The following PXDNL variants were observed in gnomAD, a reference collection of about 807,000 sequenced individuals.
The protein encoded by PXDNL is peroxidasin like, also known as probable oxidoreductase PXDNL.
Under a neutral mutation model 150.8 loss-of-function variants are expected in PXDNL, and 145 were observed. The ratio of observed to expected loss-of-function variants is 0.96; its 90% CI spans 0.84 to 1.10. PXDNL has a LOEUF of 1.10. PXDNL is among the 50% of genes least tolerant of loss of function. PXDNL has a pLI of 0.00. For missense variants in PXDNL, 2,087 were observed against 1,873.9 expected, an observed-to-expected ratio of 1.11 and a Z score of -2.10; for synonymous variants, 757 against 725.7, an observed-to-expected ratio of 1.04 and a Z score of -0.69.
rs1236843720 is a variant in PXDNL at position 51,553,771 on chromosome 8, T to TATATATATATATACACAC, written c.380+3068_380+3069insGTGTGTATATATATATAT. Among the ~76,000 whole-genome samples, 84 of 63,780 alleles carry TATATATATATATACACAC rather than the reference T, an allele frequency of 1.3e-3. 1 individual carries two copies. The highest frequency in any genetic ancestry group is 7.0e-3 in the African/African-American group (75 of 10,702). The allele number at this position is 63,780 out of a possible 152,430, so 41.8% of individuals were successfully genotyped here. ...ATATATATATATATATATATATATA[T>TATATATATATATACACAC]ACACACACTGAAAATATAAATCTCG... On this transcript the variant is annotated intron_variant, in intron 4 of 22. Coordinates refer to ENST00000356297, the MANE Select transcript of PXDNL (RefSeq NM_144651.5).
chr8:51,321,413 G>A (rs1436128714), intron 21 of PXDNL, among the ~76,000 whole-genome samples: 1 of 152,150 alleles, frequency 6.6e-6, no homozygotes, highest in African/African-American at 2.4e-5. Context: ...ACGGTCTTTA[G>A]GAATCCCAAG....
intron 1 of PXDNL, among the ~76,000 whole-genome samples, chr8:51,685,186 A>G (rs537943588): frequency 4.6e-5 from 7 of 152,154 alleles, no homozygotes; most frequent in African/African-American, 1.7e-4. Flanking sequence ...CACTCTGACA[A>G]CTCTACTAGA....
At chr8:51,464,034 A>C (rs1452089006) in intron 8 of PXDNL, among the ~76,000 whole-genome samples, 1 of 147,576 alleles carries the variant, frequency 6.8e-6, no homozygotes, top group East Asian at 1.9e-4. Context: ...AAAAAAAAAA[A>C]CCTAAAATAA....
At chr8:51,688,463 ATGGAGGCAGGTC>A (rs1281421912) in intron 1 of PXDNL, among the ~76,000 whole-genome samples, 1 of 152,192 alleles carries the variant, frequency 6.6e-6, no homozygotes, top group East Asian at 1.9e-4. Context: ...TTAACAATTT[ATGGAGGCAGGTC>A]TGGGTTCAAT....
At chr8:51,548,328 G>A (rs1812406529) in intron 4 of PXDNL, among the ~76,000 whole-genome samples, 1 of 152,018 alleles carries the variant, frequency 6.6e-6, no homozygotes, top group Non-Finnish European at 1.5e-5. Context: ...CCAAATACAA[G>A]AGGCTCAAAG....
At chr8:51,560,363 A>G (rs772095331) in intron 3 of PXDNL, among the ~76,000 whole-genome samples, 38 of 152,046 alleles carry the variant, frequency 2.5e-4, no homozygotes, top group Admixed American at 1.2e-3. Flanking sequence ...AGTTAAAACA[A>G]TCTTGAGAAA....
intron 2 of PXDNL, among the ~76,000 whole-genome samples, chr8:51,607,839 CA>C (rs1270627183): frequency 1.2e-5 from 1 of 81,402 alleles, no homozygotes. Context: ...GACTCCATCT[CA>C]AAAAAAAGGA....
chr8:51,625,443 T>C (rs1166714700), intron 2 of PXDNL, among the ~76,000 whole-genome samples: 1 of 152,192 alleles, frequency 6.6e-6, no homozygotes, highest in African/African-American at 2.4e-5. Context: ...CACTGACTAA[T>C]TCAGTCATTT....
intron 17 of PXDNL, among the ~76,000 whole-genome samples, chr8:51,378,687 A>C (rs912834964): frequency 1.3e-5 from 2 of 149,328 alleles, no homozygotes; most frequent in Non-Finnish European, 2.9e-5. Context: ...CTGCAACTTC[A>C]CTGCTGAGGC....
chr8:51,367,511 C>T (rs1806957842), intron 19 of PXDNL, among the ~76,000 whole-genome samples: 1 of 152,090 alleles, frequency 6.6e-6, no homozygotes, highest in Non-Finnish European at 1.5e-5. Context: ...ATAAATCTGA[C>T]AACACTTTTT....
intron 1 of PXDNL, among the ~76,000 whole-genome samples, chr8:51,771,952 G>T (rs1367457719): frequency 6.9e-6 from 1 of 144,628 alleles, no homozygotes; most frequent in African/African-American, 2.8e-5. Flanking sequence ...CGATTCCCCA[G>T]AAAGCAAAAG....
rs142937825 is a variant in PXDNL at position 51,573,228 on chromosome 8, A to G, written c.309-16317T>C. Among the ~76,000 whole-genome samples, 275 of 152,106 alleles carry G rather than the reference A, an allele frequency of 1.8e-3. 2 individuals carry two copies. Among genetic ancestry groups the G allele is most frequent in the African/African-American group, 6.4e-3 (266 of 41,544 alleles). On this transcript the variant is annotated intron_variant, in intron 3 of 22. Transcript: ENST00000356297. ...TAGATCCTCACACTTGTGAGGCTAT[A>G]TTGAGGCACCCAACACCCCCATAGC... is the stretch of plus-strand genomic sequence containing the variant.
chr8:51,350,486 A>G (rs913464660), intron 19 of PXDNL, among the ~76,000 whole-genome samples: 1 of 149,258 alleles, frequency 6.7e-6, no homozygotes, highest in Non-Finnish European at 1.5e-5. Context: ...CAGCCTCCTG[A>G]GTAGCTGGGA....
intron 11 of PXDNL, among the ~76,000 whole-genome samples, chr8:51,447,816 T>C (rs1471888668): frequency 6.6e-6 from 1 of 152,216 alleles, no homozygotes; most frequent in Non-Finnish European, 1.5e-5. Context: ...GCTAACCCTA[T>C]TGAGCGTACA....
chr8:51,404,649 T>C (rs1445537221), intron 17 of PXDNL, among the ~76,000 whole-genome samples: 2 of 152,178 alleles, frequency 1.3e-5, no homozygotes, highest in Non-Finnish European at 2.9e-5. Flanking sequence ...GATTGGTGCA[T>C]TTACAAACCT....
At chr8:51,366,537 A>G (rs754919125) in intron 19 of PXDNL, among the ~76,000 whole-genome samples, 9 of 151,666 alleles carry the variant, frequency 5.9e-5, no homozygotes, top group Non-Finnish European at 1.3e-4. Context: ...GTATGTGTAC[A>G]CACCTATACA....
At position 51,786,214 on chromosome 8, in the gene PXDNL, A is replaced by T. The variant is rs187632815; in HGVS notation, c.164+22967T>A. The stretch of plus-strand genomic sequence containing the variant: ...ATTCTTTTTCTTTTTTAAGAAAACA[A>T]TTTTTTTTTTTGAGATGGAGTTTCA... On this transcript the variant is annotated intron_variant, in intron 1 of 22. Transcript: ENST00000356297. 4.1e-3 allele frequency among the ~76,000 whole-genome samples: 615 copies of T among 149,304 alleles called. 3 individuals are homozygous for T. The highest frequency in any genetic ancestry group is 0.014 in the African/African-American group (579 of 40,842).
chr8:51,458,950 T>C (rs774069918), intron 8 of PXDNL, among the ~76,000 whole-genome samples: 1 of 146,932 alleles, frequency 6.8e-6, no homozygotes, highest in Non-Finnish European at 1.5e-5. Flanking sequence ...TGTGAAGAAG[T>C]ACCAATTAGC....
At chr8:51,743,923 G>GGAAGGAAGGAAGGAAGGAAA (rs2036934645) in intron 1 of PXDNL, among the ~76,000 whole-genome samples, 1 of 86,592 alleles carries the variant, frequency 1.2e-5, no homozygotes, top group Non-Finnish European at 2.7e-5. Context: ...AAGGAAGGAA[G>GGAAGGAAGGAAGGAAGGAAA]GAAGGAAGGA....
Sources: allele counts gnomAD v4.1 joint callset (sites outside exome capture counted in the v4.1 genomes callset), GRCh38; gene constraint gnomAD v4.1.1; transcripts MANE v1.5; gene names NCBI Gene and HGNC (gene_info 2026-07-23, HGNC 2026-07-21).